The following DOCK1 variants were observed in gnomAD, a reference collection of about 807,000 sequenced individuals.
The protein encoded by DOCK1 is dedicator of cytokinesis protein 1.
A neutral mutation model predicts 262.7 loss-of-function variants in DOCK1; 138 were observed. The observed-to-expected ratio is 0.53, with a 90% CI of 0.46 to 0.61. The LOEUF (loss-of-function observed/expected upper bound fraction) is 0.61. Ranked by LOEUF, DOCK1 falls within the 20% of genes least tolerant of loss-of-function variation. DOCK1 has a pLI of 0.00. For missense variants in DOCK1, 1,908 were observed against 2,370.7 expected, an observed-to-expected ratio of 0.80 and a Z score of 4.05; for synonymous variants, 866 against 867.4, an observed-to-expected ratio of 1.00 and a Z score of 0.03.
At position 127,316,949 on chromosome 10, in the gene DOCK1, G is replaced by T. The variant is rs544834501; in HGVS notation, c.3045-22057G>T. Among the ~76,000 whole-genome samples the T allele has an allele frequency of 1.2e-3, 190 of 152,112 alleles. 1 individual carries two copies. The highest frequency in any genetic ancestry group is 1.9e-3 in the Non-Finnish European group (130 of 68,010). ...GCATGGAACATAAACGTTCCCCTCA[G>T]ATAATCAAATAATTCACCCCAAACT... On this transcript the variant is annotated intron_variant, in intron 29 of 51. Coordinates refer to ENST00000623213, the MANE Select transcript of DOCK1 (RefSeq NM_001290223.2).
intron 27 of DOCK1, among the ~76,000 whole-genome samples, chr10:127,168,805 C>A (rs1389104810): frequency 6.6e-6 from 1 of 152,158 alleles, no homozygotes; most frequent in Non-Finnish European, 1.5e-5. Flanking sequence ...GATTCCTCAG[C>A]GTTTATGCAC....
intron 27 of DOCK1, among the ~76,000 whole-genome samples, chr10:127,187,926 A>G (rs2056431456): frequency 6.6e-6 from 1 of 152,162 alleles, no homozygotes; most frequent in African/African-American, 2.4e-5. Flanking sequence ...ACGATAAAGA[A>G]CCACTGGCCT....
At chr10:127,392,837 G>A (rs2066568474) in intron 38 of DOCK1, among the ~76,000 whole-genome samples, 1 of 152,174 alleles carries the variant, frequency 6.6e-6, no homozygotes, top group South Asian at 2.1e-4. Flanking sequence ...CTTTCCCAAG[G>A]CTAACACTAA....
intron 23 of DOCK1, 87 bp from the exon 24 acceptor site, chr10:127,106,144 C>A: frequency 7.6e-7 from 1 of 1,310,372 alleles, no homozygotes; most frequent in Non-Finnish European, 1.1e-6. Context: ...CTCAGTATTT[C>A]TGCGGTTCTT....
chr10:127,236,149 T>G (rs746663063), intron 27 of DOCK1, among the ~76,000 whole-genome samples: 2 of 152,220 alleles, frequency 1.3e-5, no homozygotes, highest in Non-Finnish European at 2.9e-5. Flanking sequence ...ATTTTAAAAT[T>G]TTATGTTTCA....
chr10:127,038,063 G>A (rs1018380188), intron 19 of DOCK1, among the ~76,000 whole-genome samples: 2 of 151,790 alleles, frequency 1.3e-5, no homozygotes, highest in East Asian at 1.9e-4. Context: ...GAGAAACCCC[G>A]TCTCTACTAA....
chr10:127,070,733 T>C (rs1212998314), intron 23 of DOCK1, among the ~76,000 whole-genome samples: 2 of 151,040 alleles, frequency 1.3e-5, no homozygotes, highest in African/African-American at 4.9e-5. Context: ...TAGAATCTAG[T>C]GTGCACATGA....
chr10:127,043,174 T>C lies in DOCK1; in HGVS notation c.2201+10T>C. On this transcript the variant is annotated intron_variant, in intron 21 of 51. Transcript: ENST00000623213. ...CAACGTTAGCCTACACGTAAGTTCC[T>C]ACTTTGTTTTAAAACCAATACTTCT... is the stretch of plus-strand genomic sequence containing the variant. 6.3e-7 allele frequency: 1 copy of C among 1,586,680 alleles called. No homozygotes were observed. Among genetic ancestry groups the C allele is most frequent in the Non-Finnish European group, 8.6e-7 (1 of 1,162,004 alleles).
At chr10:126,999,125 A>C (rs1439813287) in intron 8 of DOCK1, among the ~76,000 whole-genome samples, 1 of 152,294 alleles carries the variant, frequency 6.6e-6, no homozygotes, top group East Asian at 1.9e-4. Flanking sequence ...ATTTGCAAGT[A>C]GTTCTATTAC....
Position 127,138,023 on chromosome 10 carries a change from A to G in DOCK1, c.2847+10259A>G, listed in dbSNP as rs373481403. The G allele has an allele frequency of 5.1e-5, 81 of 1,601,382 alleles. No individual in the cohort carries two copies. In the Middle Eastern group the frequency reaches 8.4e-4, roughly 17 times the overall value. ...GCTGCTTAAAATCCAGCTCCACACTAGAAAAGAGAGAGAGTGAAGACTTTA... is the reference window on the plus strand; with the variant it reads ...GCTGCTTAAAATCCAGCTCCACACTGGAAAAGAGAGAGAGTGAAGACTTTA... On this transcript the variant is annotated intron_variant, in intron 27 of 51. Transcript: ENST00000623213.
chr10:127,032,036 A>C (rs924460694), intron 17 of DOCK1, 101 bp from the exon 18 acceptor site: 1 of 1,377,154 alleles, frequency 7.3e-7, no homozygotes, highest in Non-Finnish European at 1.0e-6. Context: ...GATACAAAGC[A>C]ATTACGATGG....
intron 27 of DOCK1, among the ~76,000 whole-genome samples, chr10:127,196,539 G>C (rs2134180752): frequency 6.8e-6 from 1 of 147,452 alleles, no homozygotes; most frequent in East Asian, 2.0e-4. Flanking sequence ...GGCGCCCCAA[G>C]CCGCGCGCCT....
At chr10:127,276,034 C>T (rs769975652) in intron 29 of DOCK1, among the ~76,000 whole-genome samples, 7 of 152,182 alleles carry the variant, frequency 4.6e-5, no homozygotes, top group Non-Finnish European at 1.0e-4. Context: ...GAGTCTAAAA[C>T]GATAGATTGC....
chr10:126,995,318 G>A lies in DOCK1; in HGVS notation c.474-1430G>A, dbSNP rs1476417257. The stretch of plus-strand genomic sequence containing the variant: ...TGGGAGGTGGAGGTTGTAGCGAGCC[G>A]AGATCATGCCACTGCACTCCAGCCT... On this transcript the variant is annotated intron_variant, in intron 6 of 51. Coordinates refer to ENST00000623213, the MANE Select transcript of DOCK1 (RefSeq NM_001290223.2). This position sits in a 1 kb window ranked among gnomAD's most constrained non-coding sequence, Gnocchi z 5.8. Among the ~76,000 whole-genome samples the A allele has an allele frequency of 6.6e-6, 1 of 152,148 alleles. No individual in the cohort carries two copies. Among genetic ancestry groups the A allele is most frequent in the African/African-American group, 2.4e-5 (1 of 41,428 alleles).
intron 21 of DOCK1, among the ~76,000 whole-genome samples, chr10:127,047,090 G>T (rs2044397666): frequency 6.6e-6 from 1 of 152,194 alleles, no homozygotes; most frequent in African/African-American, 2.4e-5. Context: ...GCTAGTTTTT[G>T]GAGAGTTGCA....
At chr10:127,177,780 G>A (rs1010908380) in intron 27 of DOCK1, among the ~76,000 whole-genome samples, 3 of 152,266 alleles carry the variant, frequency 2.0e-5, no homozygotes, top group African/African-American at 7.2e-5. Flanking sequence ...TCTGGAGTGA[G>A]GTGGTTCGAG....
At chr10:127,174,965 A>G (rs754524640) in intron 27 of DOCK1, among the ~76,000 whole-genome samples, 5 of 152,192 alleles carry the variant, frequency 3.3e-5, no homozygotes, top group Non-Finnish European at 7.4e-5. Flanking sequence ...CATTCTAAGC[A>G]TAGGTATGGT....
chr10:127,034,418 A>G (rs918302015), intron 18 of DOCK1, among the ~76,000 whole-genome samples: 3 of 152,154 alleles, frequency 2.0e-5, no homozygotes, highest in African/African-American at 4.8e-5. Flanking sequence ...CCATGATTCA[A>G]TTACCTCCCA....
intron 1 of DOCK1, among the ~76,000 whole-genome samples, chr10:126,949,229 C>G (rs1470575701): frequency 6.6e-6 from 1 of 152,128 alleles, no homozygotes. Context: ...GGGGTTAACA[C>G]ACCCAGCTCC....
Sources: gnomAD v4.1 joint callset for allele counts (sites outside exome capture counted in the v4.1 genomes callset) on GRCh38, gnomAD v4.1.1 for gene constraint, Gnocchi (gnomAD v3.1) non-coding constraint, MANE v1.5 for transcripts, NCBI Gene and HGNC (gene_info 2026-07-23, HGNC 2026-07-21) for gene names.